Variants in GALNT16 observed in about 807,000 individuals in gnomAD.
GALNT16 encodes the protein polypeptide N-acetylgalactosaminyltransferase 16.
GALNT16 carries 40 observed loss-of-function variants against 76.1 expected under a neutral mutation model. That is an observed-to-expected ratio of 0.53 (90% CI 0.41 to 0.68). The LOEUF is 0.68. GALNT16 is among the 30% of genes least tolerant of loss of function. The probability of loss-of-function intolerance (pLI) is 0.00; values close to 1 mark genes in which losing one functional copy is unlikely to be tolerated. For synonymous variants in GALNT16, 276 were observed against 285.2 expected (o/e 0.97, Z 0.32); for missense variants, 621 against 731.9 (o/e 0.85, Z 1.75).
intron 2 of GALNT16, among the ~76,000 whole-genome samples, chr14:69,322,411 A>G (rs1172938689): frequency 1.3e-5 from 2 of 152,236 alleles, no homozygotes; most frequent in Non-Finnish European, 2.9e-5. Context: ...CTGTGAATTG[A>G]GGGCTTGCCC....
rs1298085315 is a variant in GALNT16 at position 69,352,868 on chromosome 14, C to G, written c.*700C>G. 6.6e-6 allele frequency among the ~76,000 whole-genome samples: 1 copy of G among 152,316 alleles called. No individual in the cohort carries two copies. Among genetic ancestry groups the G allele is most frequent in the Middle Eastern group, 3.4e-3 (1 of 294 alleles). On this transcript the variant is annotated 3_prime_UTR_variant, in exon 15 of 15. Coordinates refer to ENST00000448469, the MANE Select transcript of GALNT16 (RefSeq NM_001168368.2). ...ACAGTCCCTTCCACACTTTACCAGC[C>G]CCAGGGTCTGAGCCCGACGCTGCCT... is the stretch of plus-strand genomic sequence containing the variant.
the GALNT16 span, among the ~76,000 whole-genome samples, chr14:69,374,806 G>C: frequency 3.9e-5 from 6 of 152,264 alleles, no homozygotes; most frequent in South Asian, 1.2e-3. Flanking sequence ...CAAGAGCATG[G>C]CACTGGCACC....
intron 12 of GALNT16, among the ~76,000 whole-genome samples, chr14:69,342,737 C>T (rs1039897510): frequency 1.3e-5 from 2 of 152,128 alleles, no homozygotes; most frequent in African/African-American, 4.8e-5. Context: ...AATATGTGTG[C>T]GTTCTCACAG....
At chr14:69,344,197 C>T (rs528042671) in intron 12 of GALNT16, among the ~76,000 whole-genome samples, 1 of 152,316 alleles carries the variant, frequency 6.6e-6, no homozygotes, top group African/African-American at 2.4e-5. Flanking sequence ...TGGCTCTGCC[C>T]CTTCTCCAGG....
chr14:69,328,304 C>G, intron 5 of GALNT16, 146 bp from the exon 6 acceptor site: 1 of 808,680 alleles, frequency 1.2e-6, no homozygotes, highest in Non-Finnish European at 1.9e-6. Flanking sequence ...AGGCAGGAAA[C>G]AAGCAGAAGT....
At chr14:69,267,991 A>G (rs2044361653) in intron 1 of GALNT16, among the ~76,000 whole-genome samples, 1 of 152,208 alleles carries the variant, frequency 6.6e-6, no homozygotes, top group Non-Finnish European at 1.5e-5. Flanking sequence ...ATGTATTAAG[A>G]AGGGCTGTAA....
intron 2 of GALNT16, among the ~76,000 whole-genome samples, chr14:69,323,177 G>A (rs991644450): frequency 2.0e-5 from 3 of 152,182 alleles, no homozygotes; most frequent in East Asian, 1.9e-4. Context: ...TAGGGAGCCC[G>A]CTCCAGGGGA....
In GALNT16 at chr14:69,351,710, C is replaced by A. The variant is rs544857453; in HGVS notation, c.1540-321C>A. On this transcript the variant is annotated intron_variant, in intron 14 of 14. Coordinates refer to ENST00000448469, the MANE Select transcript of GALNT16 (RefSeq NM_001168368.2). ...GATCACTTGAGGTGAGACGTTCTAG[C>A]TAGACCAGCCTGGGCAACATAGCAA... 6 of 217,424 alleles carry A rather than the reference C, an allele frequency of 2.8e-5. No homozygotes were observed. The South Asian group carries it at 4.6e-4, about 16-fold the overall frequency. The allele number at this position is 217,424 out of a possible 1,614,324, so 13.5% of individuals were successfully genotyped here.
intron 1 of GALNT16, among the ~76,000 whole-genome samples, chr14:69,275,801 G>A (rs2044464066): frequency 6.6e-6 from 1 of 152,232 alleles, no homozygotes. Flanking sequence ...TCATGAGGCT[G>A]CAGTGAGCTA....
chr14:69,293,757 T>C (rs1241012486), intron 1 of GALNT16, among the ~76,000 whole-genome samples: 1 of 152,196 alleles, frequency 6.6e-6, no homozygotes. Flanking sequence ...TGTAAAGTGC[T>C]GGAACCAATG....
chr14:69,282,650 C>CTATTTATTTATTTATTTATTTATT (rs34689381), intron 1 of GALNT16, among the ~76,000 whole-genome samples: 1 of 147,232 alleles, frequency 6.8e-6, no homozygotes, highest in Non-Finnish European at 1.5e-5. Context: ...AGAATTTGTC[C>CTATTTATTTATTTATTTATTTATT]TATTTATTTA....
chr14:69,260,405 G>A lies in GALNT16; in HGVS notation c.115G>A (p.Gly39Ser). 1 of 1,603,062 alleles carries A rather than the reference G, an allele frequency of 6.2e-7. No homozygotes were observed. The highest frequency in any genetic ancestry group is 8.5e-7 in the Non-Finnish European group (1 of 1,174,604). ...RAHAASSGGRGAQRAGRRSEQ... is the reference protein window; with the variant it reads ...RAHAASSGGRSAQRAGRRSEQ... ...CCACGCAGCATCCTCCGGCGGCCGG[G>A]GCGCGCAGAGGGCAGGCAGGAGGTC... Residue 39 changes from glycine to serine, a missense_variant, in exon 1 of 15, where the codon GGC (glycine) becomes AGC (serine). Physicochemically the swap from Gly to Ser is moderately conservative, Grantham distance 56. Coordinates refer to ENST00000448469, the MANE Select transcript of GALNT16 (RefSeq NM_001168368.2).
chr14:69,292,920 A>G (rs2044706651), intron 1 of GALNT16, among the ~76,000 whole-genome samples: 1 of 152,254 alleles, frequency 6.6e-6, no homozygotes, highest in Non-Finnish European at 1.5e-5. Flanking sequence ...AAAGTGCTAC[A>G]CTTCCTTAAT....
At chr14:69,266,937 A>C (rs559468414) in intron 1 of GALNT16, among the ~76,000 whole-genome samples, 1 of 152,294 alleles carries the variant, frequency 6.6e-6, no homozygotes, top group East Asian at 1.9e-4. Context: ...CAAAGCTGCA[A>C]AGTTGGAGGT....
At chr14:69,267,922 T>A (rs1850279637) in intron 1 of GALNT16, among the ~76,000 whole-genome samples, 1 of 152,170 alleles carries the variant, frequency 6.6e-6, no homozygotes, top group Non-Finnish European at 1.5e-5. Flanking sequence ...TAAGTCCTGA[T>A]AGTGCTTGAA....
At chr14:69,282,275 G>C (rs1019932491) in intron 1 of GALNT16, among the ~76,000 whole-genome samples, 4 of 152,156 alleles carry the variant, frequency 2.6e-5, no homozygotes, top group Non-Finnish European at 5.9e-5. Flanking sequence ...ACCAGACCTG[G>C]ATTCGAGTCC....
intron 1 of GALNT16, among the ~76,000 whole-genome samples, chr14:69,299,735 C>T (rs1323316703): frequency 6.6e-6 from 1 of 152,176 alleles, no homozygotes; most frequent in Non-Finnish European, 1.5e-5. Flanking sequence ...GCTTCTGCTT[C>T]ATAAAGCCTC....
At chr14:69,380,505 C>T in the GALNT16 span, 1 of 920,704 alleles carries the variant, frequency 1.1e-6, no homozygotes, top group Non-Finnish European at 1.8e-6. Context: ...GTGTTCCAAG[C>T]CCACCCCAAC....
the GALNT16 span, among the ~76,000 whole-genome samples, chr14:69,375,678 G>A: frequency 6.6e-6 from 1 of 152,134 alleles, no homozygotes; most frequent in Non-Finnish European, 1.5e-5. Flanking sequence ...TTCTCACTCT[G>A]TTACCCATGC....
Sources: allele counts gnomAD v4.1 joint callset (sites outside exome capture counted in the v4.1 genomes callset), GRCh38; gene constraint gnomAD v4.1.1; transcripts MANE v1.5; gene names NCBI Gene and HGNC (gene_info 2026-07-23, HGNC 2026-07-21).